ARRDC5: variants seen among roughly 807,000 people sequenced by gnomAD.
ARRDC5 encodes arrestin domain containing 5, also known as arrestin domain-containing protein 5.
In ARRDC5, 12 loss-of-function variants were observed where a neutral mutation model predicts 13.3. The observed-to-expected ratio is 0.90, with a 90% CI of 0.58 to 1.46. ARRDC5 has a LOEUF of 1.46. ARRDC5 is among the 40% of genes most tolerant of loss of function. The pLI is 0.00. For missense variants in ARRDC5, 406 were observed against 418.7 expected (o/e 0.97, Z 0.26); for synonymous variants, 181 against 173.4 (o/e 1.04, Z -0.34).
At chr19:4,895,393 C>T (rs1568395285) in intron 2 of ARRDC5, among the ~76,000 whole-genome samples, 2 of 139,622 alleles carry the variant, frequency 1.4e-5, no homozygotes, top group South Asian at 2.3e-4. Context: ...ACTGCACTCC[C>T]GCCTGGGTGA....
chr19:4,913,090 G>C, the ARRDC5 span, among the ~76,000 whole-genome samples: 18 of 152,110 alleles, frequency 1.2e-4, no homozygotes, highest in Non-Finnish European at 1.9e-4. Context: ...ATGTTAGACA[G>C]ACTGAATAAT....
chr19:4,910,993 C>A, the ARRDC5 span: 2 of 1,611,748 alleles, frequency 1.2e-6, no homozygotes, highest in Non-Finnish European at 1.7e-6. Context: ...AGGAGCTGTT[C>A]CACGTGGAGC....
chr19:4,902,951 C>A, upstream of ARRDC5: 3 of 1,453,532 alleles, frequency 2.1e-6, no homozygotes, highest in Non-Finnish European at 2.8e-6. Context: ...GAAGTGGGGA[C>A]CCCAGTGGCC....
chr19:4,903,934 G>A (rs2032003587), upstream of ARRDC5, among the ~76,000 whole-genome samples: 1 of 152,118 alleles, frequency 6.6e-6, no homozygotes, highest in African/African-American at 2.4e-5. Context: ...TGCTTAATCT[G>A]AACATCGACA....
the ARRDC5 span, among the ~76,000 whole-genome samples, chr19:4,915,256 C>T: frequency 6.6e-6 from 1 of 152,184 alleles, no homozygotes; most frequent in South Asian, 2.1e-4. Context: ...AGGGTCCCCA[C>T]CACCAGCTCC....
At chr19:4,910,894 C>A in the ARRDC5 span, 1 of 1,610,498 alleles carries the variant, frequency 6.2e-7, no homozygotes, top group Non-Finnish European at 8.5e-7. Context: ...CCATGTGGAT[C>A]CAGGTTCGGA....
Position 4,902,861 on chromosome 19 carries a change from C to G in ARRDC5, c.-36G>C, listed in dbSNP as rs750546889. ...GGGGTAGAGAGACATTCCTCTCTGT[C>G]CCCCATGTCCCTGAAATTCCCGGTT... On this transcript the variant is annotated 5_prime_UTR_variant, in exon 1 of 3. Transcript: ENST00000650722. 5.0e-6 allele frequency: 8 copies of G among 1,612,668 alleles called. No homozygotes were observed. The highest frequency in any genetic ancestry group is 2.2e-5 in the South Asian group (2 of 91,004).
chr19:4,896,669 A>T lies in ARRDC5; in HGVS notation c.459+2T>A. Reference sequence around the variant, plus strand: ...CCACCTCCACCTTTCCCCCATCGGTACCTGGAATGGGGTTTCTTTGTGGAA... The same window carrying T: ...CCACCTCCACCTTTCCCCCATCGGTTCCTGGAATGGGGTTTCTTTGTGGAA... On this transcript the variant is annotated splice_donor_variant, in intron 2 of 2. Transcript: ENST00000650722. LOFTEE classifies it high-confidence loss of function. The T allele has an allele frequency of 6.2e-7, 1 of 1,604,594 alleles. No individual in the cohort carries two copies. Among genetic ancestry groups the T allele is most frequent in the Non-Finnish European group, 8.5e-7 (1 of 1,171,770 alleles).
chr19:4,896,349 T>TATATATATA (rs1491487740), intron 2 of ARRDC5, among the ~76,000 whole-genome samples: 42 of 30,640 alleles, frequency 1.4e-3, no homozygotes, highest in African/African-American at 5.1e-3. Flanking sequence ...TATATATATA[T>TATATATATA]TTTTTTTTTT....
intron 2 of ARRDC5, among the ~76,000 whole-genome samples, chr19:4,892,948 C>A (rs1246877382): frequency 1.3e-5 from 2 of 150,622 alleles, no homozygotes; most frequent in East Asian, 3.9e-4. Flanking sequence ...ACTAAAAATA[C>A]AAAAATTAGC....
At chr19:4,894,613 G>C (rs2031644635) in intron 2 of ARRDC5, among the ~76,000 whole-genome samples, 1 of 149,858 alleles carries the variant, frequency 6.7e-6, no homozygotes, top group South Asian at 2.1e-4. Flanking sequence ...GAACCTGGGA[G>C]GCAGAGCTTG....
chr19:4,901,877 C>T (rs1465056857), intron 1 of ARRDC5, among the ~76,000 whole-genome samples: 1 of 152,006 alleles, frequency 6.6e-6, no homozygotes, highest in Admixed American at 6.6e-5. Context: ...CTCCCTTGCT[C>T]TTCTACCTCC....
chr19:4,910,742 G>A, the ARRDC5 span: 3 of 1,074,744 alleles, frequency 2.8e-6, no homozygotes, highest in Non-Finnish European at 3.9e-6. Flanking sequence ...GGCTGTACAG[G>A]AGGACTGGAA....
chr19:4,897,382 C>A (rs879564641), intron 1 of ARRDC5, among the ~76,000 whole-genome samples: 4 of 152,262 alleles, frequency 2.6e-5, no homozygotes, highest in Middle Eastern at 3.4e-3. Context: ...CAGGTCGCAG[C>A]TGGGCTGGAG....
intron 1 of ARRDC5, 114 bp downstream of exon 1, chr19:4,902,459 G>A (rs1287783584): frequency 2.0e-6 from 2 of 1,018,698 alleles, no homozygotes; most frequent in Admixed American, 2.2e-5. Flanking sequence ...GAGAAATCAG[G>A]CCACTCCCTA....
chr19:4,900,171 G>A (rs2031871159), intron 1 of ARRDC5, among the ~76,000 whole-genome samples: 1 of 127,852 alleles, frequency 7.8e-6, no homozygotes, highest in African/African-American at 2.9e-5. Context: ...TTTTTGAGAC[G>A]GAGTCTCGCT....
the ARRDC5 span, chr19:4,909,245 T>C: frequency 1.9e-6 from 1 of 514,564 alleles, no homozygotes; most frequent in African/African-American, 2.1e-5. Flanking sequence ...GCTCCTGGGG[T>C]GTCCACGTGC....
At chr19:4,897,629 A>G (rs1027880373) in intron 1 of ARRDC5, among the ~76,000 whole-genome samples, 2 of 151,754 alleles carry the variant, frequency 1.3e-5, no homozygotes, top group Middle Eastern at 3.2e-3. Context: ...TGATTCTCCC[A>G]CCTCAGCCTC....
the ARRDC5 span, among the ~76,000 whole-genome samples, chr19:4,908,634 C>T: frequency 9.2e-5 from 14 of 152,272 alleles, no homozygotes; most frequent in African/African-American, 2.6e-4. Context: ...AGAGGCCCAC[C>T]GCAGTGGCCC....
Sources: gnomAD v4.1 joint callset for allele counts (sites outside exome capture counted in the v4.1 genomes callset) on GRCh38, gnomAD v4.1.1 for gene constraint, MANE v1.5 for transcripts, NCBI Gene and HGNC (gene_info 2026-07-23, HGNC 2026-07-21) for gene names.